The following CARMIL1 variants were observed in gnomAD, a reference collection of about 807,000 sequenced individuals.
CARMIL1 encodes the protein capping protein regulator and myosin 1 linker 1, also known as F-actin-uncapping protein LRRC16A.
In CARMIL1, 90 loss-of-function variants were observed where a neutral mutation model predicts 177.1. The observed-to-expected ratio is 0.51, with a 90% CI of 0.43 to 0.61. CARMIL1 has a LOEUF of 0.61. Ranked by LOEUF, CARMIL1 falls within the 20% of genes least tolerant of loss-of-function variation. The pLI, the probability that CARMIL1 is intolerant of heterozygous loss-of-function variation, is 0.00. For synonymous variants in CARMIL1, 577 were observed against 606.2 expected (o/e 0.95, Z 0.71); for missense variants, 1,380 against 1,667.0 (o/e 0.83, Z 3.00).
intron 2 of CARMIL1, among the ~76,000 whole-genome samples, chr6:25,393,949 C>T (rs186185548): frequency 8.5e-5 from 13 of 152,282 alleles, no homozygotes; most frequent in South Asian, 4.1e-4. Flanking sequence ...TGATCTTCCA[C>T]GCTAAGTTCC....
rs922092302 is a variant in CARMIL1 at position 25,488,787 on chromosome 6, A to AT, written c.1065+211dup. Among the ~76,000 whole-genome samples, 7 of 151,088 alleles carry AT rather than the reference A, an allele frequency of 4.6e-5. No homozygotes were observed. The East Asian group carries it at 5.8e-4, about 13-fold the overall frequency. On this transcript the variant is annotated intron_variant, in intron 13 of 36. Transcript: ENST00000329474. ...TTAAATGTCATATATCACCACAATT[A>AT]TTTTTTTTTCTCATTTAGTGATGCT...
At chr6:25,359,503 C>T (rs998007826) in intron 2 of CARMIL1, among the ~76,000 whole-genome samples, 2 of 152,276 alleles carry the variant, frequency 1.3e-5, no homozygotes, top group African/African-American at 2.4e-5. Context: ...CTCAGCAGAG[C>T]GTAACTTTGA....
At chr6:25,443,565 C>T (rs1036972719) in intron 5 of CARMIL1, among the ~76,000 whole-genome samples, 3 of 152,122 alleles carry the variant, frequency 2.0e-5, no homozygotes, top group Non-Finnish European at 2.9e-5. Context: ...TAAAGTGAGT[C>T]AAGAACTTTT....
In CARMIL1 at chr6:25,537,916, G is replaced by A. The variant is rs770477230; in HGVS notation, c.2129G>A (p.Gly710Glu). 1.9e-6 allele frequency: 3 copies of A among 1,608,076 alleles called. No individual in the cohort carries two copies. Among genetic ancestry groups the A allele is most frequent in the African/African-American group, 2.7e-5 (2 of 74,880 alleles). Residue 710 changes from glycine to glutamate, a missense_variant, in exon 25 of 37, where the codon GGA (glycine) becomes GAA (glutamate). Coordinates refer to ENST00000329474, the MANE Select transcript of CARMIL1 (RefSeq NM_017640.6). ...DHLNSLRNCG[G>E]DAIQEDLKSA... is the part of the protein sequence containing the mutation. The stretch of plus-strand genomic sequence containing the variant: ...CTCAACTCCTTACGAAATTGTGGGG[G>A]AGACGCTATCCAGGAAGATTTAAAA...
At chr6:25,301,183 C>G (rs1782833605) in intron 2 of CARMIL1, among the ~76,000 whole-genome samples, 1 of 152,100 alleles carries the variant, frequency 6.6e-6, no homozygotes, top group Admixed American at 6.5e-5. Flanking sequence ...AGAGATTGAT[C>G]CTCTTGGGAG....
intron 2 of CARMIL1, among the ~76,000 whole-genome samples, chr6:25,325,684 C>T (rs1054097752): frequency 2.6e-5 from 4 of 152,114 alleles, no homozygotes; most frequent in African/African-American, 4.8e-5. Flanking sequence ...CAGCATGTAG[C>T]GTGTAGCAGA....
chr6:25,420,068 C>T (rs1227355996), intron 2 of CARMIL1, 46 bp from the exon 3 acceptor site: 1 of 1,499,598 alleles, frequency 6.7e-7, no homozygotes, highest in Admixed American at 1.7e-5. Context: ...GCCCACTGGC[C>T]CCACTTTTTG....
At chr6:25,493,650 CA>C (rs1562212823) in intron 15 of CARMIL1, among the ~76,000 whole-genome samples, 1 of 152,148 alleles carries the variant, frequency 6.6e-6, no homozygotes, top group Non-Finnish European at 1.5e-5. Flanking sequence ...GGAAGTCATA[CA>C]CATCATTTCT....
intron 32 of CARMIL1, among the ~76,000 whole-genome samples, chr6:25,599,165 C>T (rs889729727): frequency 6.6e-6 from 1 of 152,198 alleles, no homozygotes; most frequent in Non-Finnish European, 1.5e-5. Context: ...GAATGGGCTT[C>T]ACAAAGAAGA....
chr6:25,452,476 G>C (rs1247562016), intron 8 of CARMIL1: 7 of 390,832 alleles, frequency 1.8e-5, no homozygotes, highest in Middle Eastern at 6.9e-4. Context: ...TCTTAAAAAT[G>C]ATCGATCTTT....
chr6:25,423,211 C>G (rs1796001715), intron 3 of CARMIL1, among the ~76,000 whole-genome samples: 1 of 152,172 alleles, frequency 6.6e-6, no homozygotes, highest in South Asian at 2.1e-4. Context: ...AATTAAACAT[C>G]TTTCTTTTGT....
At chr6:25,444,601 C>T (rs995830350) in intron 5 of CARMIL1, among the ~76,000 whole-genome samples, 1 of 152,150 alleles carries the variant, frequency 6.6e-6, no homozygotes, top group Admixed American at 6.5e-5. Context: ...TCAATTCCCA[C>T]CTTTGAGTGA....
At chr6:25,333,692 G>A (rs886181100) in intron 2 of CARMIL1, among the ~76,000 whole-genome samples, 1 of 152,056 alleles carries the variant, frequency 6.6e-6, no homozygotes, top group Non-Finnish European at 1.5e-5. Context: ...TCTCTCAGTT[G>A]GAACCCAGCT....
At chr6:25,366,526 T>C (rs951454095) in intron 2 of CARMIL1, among the ~76,000 whole-genome samples, 1 of 150,508 alleles carries the variant, frequency 6.6e-6, no homozygotes, top group Admixed American at 6.6e-5. Context: ...CTTCGTTATG[T>C]ATCTATGCAT....
intron 2 of CARMIL1, among the ~76,000 whole-genome samples, chr6:25,292,272 A>G (rs1445234554): frequency 2.0e-5 from 3 of 152,090 alleles, no homozygotes; most frequent in African/African-American, 4.8e-5. Flanking sequence ...TGCATAGGTG[A>G]TTTTCAAAGC....
intron 2 of CARMIL1, among the ~76,000 whole-genome samples, chr6:25,358,379 A>G (rs1788849697): frequency 6.6e-6 from 1 of 152,250 alleles, no homozygotes; most frequent in Admixed American, 6.5e-5. Context: ...GACGCATAAA[A>G]AGTATATAAG....
In CARMIL1 at chr6:25,562,336, C is replaced by T. The variant is rs539606016; in HGVS notation, c.2742+5486C>T. ...GATCTCGGCTCACTGCAGACTCTGC[C>T]TCCCTGGTTCAAGCAATTGTCCTGC... On this transcript the variant is annotated intron_variant, in intron 29 of 36. Coordinates refer to ENST00000329474, the MANE Select transcript of CARMIL1 (RefSeq NM_017640.6). Among the ~76,000 whole-genome samples the T allele has an allele frequency of 5.9e-5, 9 of 152,082 alleles. No individual in the cohort carries two copies. In the South Asian group the frequency reaches 1.7e-3, roughly 28 times the overall value.
chr6:25,342,382 G>A (rs2150328009), intron 2 of CARMIL1, among the ~76,000 whole-genome samples: 1 of 152,238 alleles, frequency 6.6e-6, no homozygotes, highest in South Asian at 2.1e-4. Flanking sequence ...CTGCTTTCTC[G>A]CTGCTCTCTT....
intron 2 of CARMIL1, among the ~76,000 whole-genome samples, chr6:25,289,791 A>G (rs541136335): frequency 8.0e-4 from 122 of 152,344 alleles, no homozygotes; most frequent in Non-Finnish European, 1.5e-3. Context: ...ACTTCATGGT[A>G]TGGATGTACC....
Sources: gnomAD v4.1 joint callset for allele counts (sites outside exome capture counted in the v4.1 genomes callset) on GRCh38, gnomAD v4.1.1 for gene constraint, MANE v1.5 for transcripts, NCBI Gene and HGNC (gene_info 2026-07-23, HGNC 2026-07-21) for gene names.